BSG: variants seen among roughly 807,000 people sequenced by gnomAD.
BSG encodes the protein basigin.
A neutral mutation model predicts 43.1 loss-of-function variants in BSG; 37 were observed. The ratio of observed to expected loss-of-function variants is 0.86; its 90% CI spans 0.66 to 1.13. The LOEUF is 1.13. Among genes scored for constraint, BSG ranks in the 50% most tolerant of loss-of-function variants. The pLI is 0.00. For missense variants in BSG, 599 were observed against 554.2 expected, an observed-to-expected ratio of 1.08 and a Z score of -0.81; for synonymous variants, 309 against 238.7, an observed-to-expected ratio of 1.29 and a Z score of -2.72.
intron 1 of BSG, among the ~76,000 whole-genome samples, chr19:574,430 G>C (rs1256552784): frequency 6.6e-6 from 1 of 152,138 alleles, no homozygotes; most frequent in African/African-American, 2.4e-5. Context: ...GCGGGCGCCT[G>C]TAGTCCCAGC....
intron 1 of BSG, among the ~76,000 whole-genome samples, chr19:573,455 A>G (rs546300301): frequency 2.7e-4 from 41 of 152,270 alleles, no homozygotes; most frequent in African/African-American, 8.4e-4. Context: ...AGCCCTCCGG[A>G]TCGGGAAGGG....
rs968956006 is a variant in BSG, at chr19:583,445, C to T, written c.*701C>T. 1.3e-5 allele frequency: 2 copies of T among 152,238 alleles called. No homozygotes were observed. The highest frequency in any genetic ancestry group is 2.4e-5 in the African/African-American group (1 of 41,444). The allele number at this position is 152,238 out of a possible 1,614,324, so 9.4% of individuals were successfully genotyped here. ...TAGCACCAGGGCTCACGTGGGAACC[C>T]CCCTCCCACCCACCGCCACAATAAA... On this transcript the variant is annotated 3_prime_UTR_variant, in exon 9 of 9. Coordinates refer to ENST00000333511, the MANE Select transcript of BSG (RefSeq NM_001728.4).
Position 579,645 on chromosome 19 carries a change from A to G in BSG, c.561A>G (p.Lys187=). The G allele has an allele frequency of 3.1e-6, 5 of 1,609,562 alleles. No individual in the cohort carries two copies. The highest frequency in any genetic ancestry group is 4.2e-6 in the Non-Finnish European group (5 of 1,178,260). The change falls in exon 3 of 9, where the codon AAA becomes AAG. Residue 187 remains lysine, a synonymous_variant. Coordinates refer to ENST00000333511, the MANE Select transcript of BSG (RefSeq NM_001728.4). Reference sequence around the variant, plus strand: ...AGGAGGACGCGCTGCCCGGCCAGAAAACGGAGTTCAAGTGAGTGCCTGACC... The same window carrying G: ...AGGAGGACGCGCTGCCCGGCCAGAAGACGGAGTTCAAGTGAGTGCCTGACC... ...VLKEDALPGQ[K]TEFKVDSDDQ...
chr19:574,162 A>G (rs1213799856), intron 1 of BSG, among the ~76,000 whole-genome samples: 1 of 152,006 alleles, frequency 6.6e-6, no homozygotes, highest in Non-Finnish European at 1.5e-5. Flanking sequence ...AGCTGAGGCA[A>G]GAGAATCGCT....
chr19:581,472 G>A lies in BSG; in HGVS notation c.950G>A (p.Arg317His), dbSNP rs760573948. Residue 317 changes from arginine (R) to histidine (H), a missense_variant, in exon 6 of 9, where the codon CGC (arginine) becomes CAC (histidine). Transcript: ENST00000333511. ...TCCGACCAGGCCATCATCACGCTCC[G>A]CGTGCGCAGCCACCTGGCCGCCCTC... ...KGSDQAIITL[R>H]VRSHLAALWP... is the part of the protein sequence containing the mutation. 29 of 1,608,328 alleles carry A rather than the reference G, an allele frequency of 1.8e-5. No individual in the cohort carries two copies. The highest frequency in any genetic ancestry group is 1.6e-4 in the Middle Eastern group (1 of 6,064).
intron 1 of BSG, among the ~76,000 whole-genome samples, chr19:574,864 C>T (rs1432318561): frequency 6.6e-6 from 1 of 152,214 alleles, no homozygotes; most frequent in Non-Finnish European, 1.5e-5. Flanking sequence ...GATAGGAGCC[C>T]ATGGGTGAGG....
rs538315599 is a variant in BSG at position 578,266 on chromosome 19, G to A, written c.415+145G>A. The A allele has an allele frequency of 7.2e-5, 63 of 870,176 alleles. No homozygotes were observed. The African/African-American group carries it at 7.5e-4, about 10-fold the overall frequency. 53.9% of individuals were successfully genotyped at this position (870,176 alleles called of 1,614,324 possible). On this transcript the variant is annotated intron_variant, in intron 2 of 8. Transcript: ENST00000333511. ...TTGGGCCCACCGCCTGGACGGAGGG[G>A]CCCGGACCTGAAGGGGGTGGGCTCG... is the stretch of plus-strand genomic sequence containing the variant.
At chr19:578,391 G>A (rs919655043) in intron 2 of BSG, among the ~76,000 whole-genome samples, 4 of 152,146 alleles carry the variant, frequency 2.6e-5, no homozygotes, top group Non-Finnish European at 5.9e-5. Context: ...CGTGCCATCC[G>A]TTCCGTCGTT....
Position 574,025 on chromosome 19 carries a change from C to T in BSG, c.67+1324C>T, listed in dbSNP as rs541386550. Among the ~76,000 whole-genome samples, 559 of 152,118 alleles carry T rather than the reference C, an allele frequency of 3.7e-3. 6 individuals carry two copies. Among genetic ancestry groups the T allele is most frequent in the Non-Finnish European group, 4.9e-3 (334 of 67,974 alleles). The stretch of plus-strand genomic sequence containing the variant: ...ATCCCAGCACTTTGGGAGGCTGAGG[C>T]GGGTGGATCACCTGAGGTCAGGAGT... On this transcript the variant is annotated intron_variant, in intron 1 of 8. Coordinates refer to ENST00000333511, the MANE Select transcript of BSG (RefSeq NM_001728.4).
chr19:576,174 T>C (rs1351679714), intron 1 of BSG, among the ~76,000 whole-genome samples: 3 of 152,220 alleles, frequency 2.0e-5, no homozygotes, highest in Non-Finnish European at 4.4e-5. Context: ...CACCTGGTCC[T>C]CCTCACTTTC....
At chr19:577,449 C>T (rs1475511640) in intron 1 of BSG, among the ~76,000 whole-genome samples, 1 of 152,190 alleles carries the variant, frequency 6.6e-6, no homozygotes, top group Non-Finnish European at 1.5e-5. Flanking sequence ...CGCTTGGGAC[C>T]TGAGCTCTGG....
chr19:582,137 G>A lies in BSG; in HGVS notation c.1070-169G>A, dbSNP rs191110653. 4.8e-3 allele frequency among the ~76,000 whole-genome samples: 725 copies of A among 152,316 alleles called. 6 individuals are homozygous for A. Among genetic ancestry groups the A allele is most frequent in the South Asian group, 0.012 (58 of 4,830 alleles). On this transcript the variant is annotated intron_variant, in intron 6 of 8. Coordinates refer to ENST00000333511, the MANE Select transcript of BSG (RefSeq NM_001728.4). ...GTGGGGAGGGCTGCCTTTCCCCACA[G>A]CACTCAGAAGATGCACGTGGCCGGG... is the stretch of plus-strand genomic sequence containing the variant.
At position 578,027 on chromosome 19, in the gene BSG, G is replaced by A; in HGVS notation, c.321G>A (p.Glu107=). The change falls in exon 2 of 9, where the codon GAG becomes GAA. Residue 107 remains glutamate, a synonymous_variant. Transcript: ENST00000333511. ...TLVEEDTGTY[E]CRASNDPDRN... The stretch of plus-strand genomic sequence containing the variant: ...TGGAGGAGGACACGGGCACTTACGA[G>A]TGCCGGGCCAGCAACGACCCGGATC... 1 of 1,611,836 alleles carries A rather than the reference G, an allele frequency of 6.2e-7. No homozygotes were observed. Among genetic ancestry groups the A allele is most frequent in the Non-Finnish European group, 8.5e-7 (1 of 1,179,554 alleles).
chr19:572,288 C>G (rs373935886), upstream of BSG: 203 of 678,726 alleles, frequency 3.0e-4, 1 homozygote, highest in South Asian at 0.011. Context: ...ACGCTTCAAC[C>G]CCCTCGGGCG....
intron 1 of BSG, among the ~76,000 whole-genome samples, chr19:577,487 C>G (rs1278273434): frequency 6.6e-6 from 1 of 152,344 alleles, no homozygotes; most frequent in East Asian, 1.9e-4. Context: ...GGACTCCTGG[C>G]TCTTCTGCCC....
At chr19:577,621 T>G (rs1271284386) in intron 1 of BSG, among the ~76,000 whole-genome samples, 153 bp from the exon 2 acceptor site, 1 of 152,186 alleles carries the variant, frequency 6.6e-6, no homozygotes, top group Admixed American at 6.5e-5. Flanking sequence ...GCCATGCTGT[T>G]TCCAGCCGGG....
At position 583,101 on chromosome 19, in the gene BSG, G is replaced by A. The variant is rs993428492; in HGVS notation, c.*357G>A. The A allele has an allele frequency of 2.5e-5, 4 of 159,878 alleles. No homozygotes were observed. The highest frequency in any genetic ancestry group is 9.6e-5 in the African/African-American group (4 of 41,528). The allele number at this position is 159,878 out of a possible 1,614,324, so 9.9% of individuals were successfully genotyped here. On this transcript the variant is annotated 3_prime_UTR_variant, in exon 9 of 9. Transcript: ENST00000333511. ...TGTGGAAAGTCACAGGTCACACGAG[G>A]GGCCCCGTGTCCTGCCTGTCTGAAG...
intron 2 of BSG, 48 bp from the exon 3 acceptor site, chr19:579,452 G>A (rs746879921): frequency 1.7e-5 from 27 of 1,607,770 alleles, no homozygotes; most frequent in Middle Eastern, 1.6e-4. Flanking sequence ...CAGGCAGCGC[G>A]GGCCGTGCTC....
chr19:577,565 G>C (rs1333239186), intron 1 of BSG, among the ~76,000 whole-genome samples: 2 of 152,224 alleles, frequency 1.3e-5, no homozygotes. Context: ...AGCCGCCGTG[G>C]CTGCCGTGAG....
Sources: gnomAD v4.1 joint callset for allele counts (sites outside exome capture counted in the v4.1 genomes callset) on GRCh38, gnomAD v4.1.1 for gene constraint, MANE v1.5 for transcripts, NCBI Gene and HGNC (gene_info 2026-07-23, HGNC 2026-07-21) for gene names.